The following FAP variants were observed in gnomAD, a reference collection of about 807,000 sequenced individuals.
FAP encodes prolyl endopeptidase FAP.
Under a neutral mutation model 126.5 loss-of-function variants are expected in FAP, and 110 were observed. That is an observed-to-expected ratio of 0.87 (90% CI 0.74 to 1.02). The LOEUF is 1.02. Ranked by LOEUF, FAP falls within the 50% of genes least tolerant of loss-of-function variation. FAP has a pLI of 0.00. For missense variants in FAP, 919 were observed against 909.2 expected (o/e 1.01, Z -0.14); for synonymous variants, 334 against 297.3 (o/e 1.12, Z -1.27).
intron 8 of FAP, among the ~76,000 whole-genome samples, chr2:162,218,618 A>G (rs1325135733): frequency 6.6e-6 from 1 of 151,724 alleles, no homozygotes; most frequent in Non-Finnish European, 1.5e-5. Context: ...GATAGAGACT[A>G]GAAGTCTCTT....
At chr2:162,235,161 C>T (rs1244089700) in intron 2 of FAP, among the ~76,000 whole-genome samples, 5 of 151,738 alleles carry the variant, frequency 3.3e-5, no homozygotes, top group Non-Finnish European at 5.9e-5. Context: ...TCACCCCCTC[C>T]GCACCGCCCG....
chr2:162,200,553 G>T lies in FAP; in HGVS notation c.1277+13C>A. 1 of 1,430,306 alleles carries T rather than the reference G, an allele frequency of 7.0e-7. No individual in the cohort carries two copies. Among genetic ancestry groups the T allele is most frequent in the Non-Finnish European group, 9.7e-7 (1 of 1,029,288 alleles). 88.6% of individuals were successfully genotyped at this position (1,430,306 alleles called of 1,614,324 possible). ...AACACATAGAAATACCAGAATGAAT[G>T]GACATAAATTACCTGTAGATGTTTC... On this transcript the variant is annotated intron_variant, in intron 15 of 25. Coordinates refer to ENST00000188790, the MANE Select transcript of FAP (RefSeq NM_004460.5).
chr2:162,184,515 A>C (rs375172414), intron 20 of FAP, among the ~76,000 whole-genome samples: 1 of 152,230 alleles, frequency 6.6e-6, no homozygotes, highest in South Asian at 2.1e-4. Context: ...CACGTTTCCG[A>C]TGCATAGAGA....
rs545295940 is a variant in FAP, at chr2:162,214,579, C to T, written c.867-506G>A. Among the ~76,000 whole-genome samples, 336 of 150,686 alleles carry T rather than the reference C, an allele frequency of 2.2e-3. 2 individuals are homozygous for T. Among genetic ancestry groups the T allele is most frequent in the Non-Finnish European group, 5.8e-4 (39 of 67,786 alleles). ...TGGAATAAATCACAGATGATGTATG[C>T]GAAATAACTCAAATAATGTTTGGCA... On this transcript the variant is annotated intron_variant, in intron 10 of 25. Coordinates refer to ENST00000188790, the MANE Select transcript of FAP (RefSeq NM_004460.5).
At chr2:162,229,097 C>T (rs1181870056) in intron 2 of FAP, among the ~76,000 whole-genome samples, 9 of 152,028 alleles carry the variant, frequency 5.9e-5, no homozygotes, top group Admixed American at 5.9e-4. Flanking sequence ...AATAATGCTT[C>T]AGTTATGGCT....
intron 2 of FAP, among the ~76,000 whole-genome samples, chr2:162,241,114 CA>C (rs1690328583): frequency 6.6e-6 from 1 of 151,918 alleles, no homozygotes. Context: ...TATAATGAAC[CA>C]AAAAACAACA....
chr2:162,183,519 T>A (rs760824123), intron 20 of FAP, 51 bp from the exon 21 acceptor site: 21 of 1,020,386 alleles, frequency 2.1e-5, no homozygotes, highest in Middle Eastern at 2.4e-4. Flanking sequence ...ACACATGACA[T>A]TTACTTCATT....
At chr2:162,211,226 A>G (rs1688920739) in intron 11 of FAP, among the ~76,000 whole-genome samples, 2 of 152,148 alleles carry the variant, frequency 1.3e-5, no homozygotes, top group Non-Finnish European at 2.9e-5. Context: ...CCAACTTTGG[A>G]ATAGTGTTGG....
Position 162,177,823 on chromosome 2 carries a change from A to G in FAP, c.1870-2857T>C, listed in dbSNP as rs1295765380. On this transcript the variant is annotated intron_variant, in intron 21 of 25. Transcript: ENST00000188790. The stretch of plus-strand genomic sequence containing the variant: ...CACTGAAAATATGGCCTGACACACA[A>G]TAGGAATAGAATAAATATTTGTTGA... 1.3e-5 allele frequency among the ~76,000 whole-genome samples: 2 copies of G among 152,302 alleles called. 1 individual carries two copies. The highest frequency in any genetic ancestry group is 4.1e-4 in the South Asian group (2 of 4,824).
chr2:162,198,061 A>G (rs1460089351), intron 16 of FAP: 1 of 822,728 alleles, frequency 1.2e-6, no homozygotes, highest in East Asian at 6.4e-5. Context: ...AAGGTTGCAC[A>G]TAAAATAAAA....
chr2:162,176,289 A>G (rs1430002958), intron 21 of FAP: 2 of 152,202 alleles, frequency 1.3e-5, no homozygotes, highest in Non-Finnish European at 2.9e-5. Context: ...CTAACAGTTA[A>G]ATGAAGAATT....
rs540359116 is a variant in FAP, at chr2:162,225,346, C to T, written c.285+137G>A. 281 of 1,060,124 alleles carry T rather than the reference C, an allele frequency of 2.7e-4. 5 individuals are homozygous for T. The highest frequency in any genetic ancestry group is 2.2e-3 in the South Asian group (134 of 61,836). 65.7% of individuals were successfully genotyped at this position (1,060,124 alleles called of 1,614,324 possible). A position where few individuals can be genotyped will look rare whatever the true frequency, so the allele number is the denominator to read the frequency against. On this transcript the variant is annotated intron_variant, in intron 4 of 25. Transcript: ENST00000188790. Reference sequence around the variant, plus strand: ...AGTCTAATGGGACTAGCAGACAGAACGGGAAGACTCTAGTGGAGTATGGAG... The same window carrying T: ...AGTCTAATGGGACTAGCAGACAGAATGGGAAGACTCTAGTGGAGTATGGAG...
At position 162,226,529 on chromosome 2, in the gene FAP, T is replaced by G. The variant is rs761540017; in HGVS notation, c.184A>C (p.Ile62Leu). 1.6e-5 allele frequency: 25 copies of G among 1,544,110 alleles called. No individual in the cohort carries two copies. The highest frequency in any genetic ancestry group is 2.2e-5 in the Non-Finnish European group (25 of 1,126,758). ...AGATAAATAATGCACTTACCTGAAATCCAGTTTGGAAAAAATGTTTTATAA... is the reference window on the plus strand; with the variant it reads ...AGATAAATAATGCACTTACCTGAAAGCCAGTTTGGAAAAAATGTTTTATAA... ...FSYKTFFPNW[I>L]SGQEYLHQSA... is the part of the protein sequence containing the mutation. Residue 62 changes from isoleucine to leucine, a missense_variant, in exon 3 of 26, where the codon ATT becomes CTT. Ile to Leu is a conservative substitution (Grantham distance 5). Transcript: ENST00000188790.
At chr2:162,191,872 C>T (rs567436845) in intron 17 of FAP, among the ~76,000 whole-genome samples, 8 of 152,162 alleles carry the variant, frequency 5.3e-5, no homozygotes, top group Non-Finnish European at 1.0e-4. Context: ...ACTTCCCCCT[C>T]TTTGCAGGGA....
rs1688466009 is a variant in FAP, at chr2:162,200,794, G to C, written c.1224-175C>G. On this transcript the variant is annotated intron_variant, in intron 14 of 25. Transcript: ENST00000188790. ...AACTGAACTTTGCACATTTATCCTG[G>C]CTTCCAAATCATCAGAGGAAGATTA... is the stretch of plus-strand genomic sequence containing the variant. Among the ~76,000 whole-genome samples, 3 of 152,048 alleles carry C rather than the reference G, an allele frequency of 2.0e-5. No individual in the cohort carries two copies. The South Asian group carries it at 6.2e-4, about 32-fold the overall frequency.
chr2:162,198,659 T>A, intron 16 of FAP, 98 bp downstream of exon 16: 1 of 1,355,610 alleles, frequency 7.4e-7, no homozygotes, highest in Non-Finnish European at 1.0e-6. Context: ...ATATAACAAA[T>A]GCTCATTAAC....
chr2:162,234,434 T>G (rs1690021970), intron 2 of FAP, among the ~76,000 whole-genome samples: 1 of 152,216 alleles, frequency 6.6e-6, no homozygotes, highest in African/African-American at 2.4e-5. Context: ...TCTCGTATCC[T>G]GCAACCCTAC....
chr2:162,190,075 G>T (rs917722584), intron 17 of FAP, among the ~76,000 whole-genome samples: 1 of 151,904 alleles, frequency 6.6e-6, no homozygotes, highest in African/African-American at 2.4e-5. Context: ...TAAGTTTAAA[G>T]CCATGACCTA....
intron 20 of FAP, among the ~76,000 whole-genome samples, chr2:162,187,756 T>C (rs1026672382): frequency 2.0e-5 from 3 of 152,086 alleles, no homozygotes; most frequent in Non-Finnish European, 4.4e-5. Flanking sequence ...TCTAAAAGTA[T>C]GTAGTGCTGA....
Sources: gnomAD v4.1 joint callset for allele counts (sites outside exome capture counted in the v4.1 genomes callset) on GRCh38, gnomAD v4.1.1 for gene constraint, MANE v1.5 for transcripts, NCBI Gene and HGNC (gene_info 2026-07-23, HGNC 2026-07-21) for gene names.